Variants in NMT2 observed in about 807,000 individuals in gnomAD.
The protein encoded by NMT2 is glycylpeptide N-tetradecanoyltransferase 2.
In NMT2, 35 loss-of-function variants were observed where a neutral mutation model predicts 65.4. The ratio of observed to expected loss-of-function variants is 0.54; its 90% CI spans 0.41 to 0.71. The LOEUF (loss-of-function observed/expected upper bound fraction) is 0.71, where lower values mean the gene tolerates loss of function less well. NMT2 is among the 30% of genes least tolerant of loss of function. The pLI is 0.00. For synonymous variants in NMT2, 226 were observed against 231.8 expected (o/e 0.98, Z 0.23); for missense variants, 489 against 611.3 (o/e 0.80, Z 2.11).
At chr10:15,134,408 C>A (rs943221530) in intron 3 of NMT2, among the ~76,000 whole-genome samples, 1 of 152,216 alleles carries the variant, frequency 6.6e-6, no homozygotes, top group African/African-American at 2.4e-5. Flanking sequence ...TTGAGGCCCT[C>A]TGGTCCTCAA....
chr10:15,159,074 A>T (rs1833100299), intron 1 of NMT2, among the ~76,000 whole-genome samples: 1 of 152,212 alleles, frequency 6.6e-6, no homozygotes, highest in Admixed American at 6.5e-5. Flanking sequence ...GTCTCACCAA[A>T]GGTGTGGCCC....
Position 15,156,061 on chromosome 10 carries a change from G to A in NMT2, c.110+12442C>T, listed in dbSNP as rs117531502. Among the ~76,000 whole-genome samples, 66 of 152,296 alleles carry A rather than the reference G, an allele frequency of 4.3e-4. No homozygotes were observed. The East Asian group carries it at 0.012, about 27-fold the overall frequency. Reference sequence around the variant, plus strand: ...TTCCATTGAATATTTTTGAACCAACGTTGACCAAGGGTAACTGAAACTGCA... The same window carrying A: ...TTCCATTGAATATTTTTGAACCAACATTGACCAAGGGTAACTGAAACTGCA... On this transcript the variant is annotated intron_variant, in intron 1 of 11. Coordinates refer to ENST00000378165, the MANE Select transcript of NMT2 (RefSeq NM_004808.3).
chr10:15,112,819 C>T lies in NMT2; in HGVS notation c.1315G>A (p.Asp439Asn). The T allele has an allele frequency of 3.1e-6, 5 of 1,613,174 alleles. No homozygotes were observed. The highest frequency in any genetic ancestry group is 1.1e-5 in the South Asian group (1 of 90,978). Residue 439 changes from aspartate (D) to asparagine (N), a missense_variant, in exon 10 of 12, where the codon GAC becomes AAC. Transcript: ENST00000378165. ...ACCGATTTAGCCAGGATGAGCGCGT[C>T]GCTCATGAGGTCCAGCAGGGGCGTC... is the stretch of plus-strand genomic sequence containing the variant. ...TETPLLDLMSDALILAKSKGF... is the reference protein window; with the variant it reads ...TETPLLDLMSNALILAKSKGF...
intron 1 of NMT2, among the ~76,000 whole-genome samples, chr10:15,156,812 C>T (rs1039626888): frequency 4.0e-5 from 6 of 151,850 alleles, no homozygotes; most frequent in Non-Finnish European, 7.4e-5. Flanking sequence ...AGGAGAATTG[C>T]GTGAACCCGG....
chr10:15,119,221 A>G, intron 9 of NMT2, 122 bp downstream of exon 9: 1 of 845,564 alleles, frequency 1.2e-6, no homozygotes, highest in Non-Finnish European at 1.9e-6. Flanking sequence ...TCTACCCTTT[A>G]GTACACATCT....
At chr10:15,159,237 G>A (rs1046752541) in intron 1 of NMT2, among the ~76,000 whole-genome samples, 63 of 152,126 alleles carry the variant, frequency 4.1e-4, no homozygotes, top group Non-Finnish European at 7.6e-4. Context: ...AGATGCTTGG[G>A]GCAGTCTAGT....
At chr10:15,143,833 C>T (rs922495780) in intron 1 of NMT2, among the ~76,000 whole-genome samples, 1 of 152,160 alleles carries the variant, frequency 6.6e-6, no homozygotes, top group Non-Finnish European at 1.5e-5. Context: ...CCAGCCTGGG[C>T]AACAGAGTGA....
Position 15,108,201 on chromosome 10 carries a change from T to G in NMT2, c.*994A>C. The G allele has an allele frequency of 1.0e-6, 1 of 984,132 alleles. No individual in the cohort carries two copies. Among genetic ancestry groups the G allele is most frequent in the African/African-American group, 1.7e-5 (1 of 57,178 alleles). The allele number at this position is 984,132 out of a possible 1,614,324, so 61.0% of individuals were successfully genotyped here. On this transcript the variant is annotated 3_prime_UTR_variant, in exon 12 of 12. Coordinates refer to ENST00000378165, the MANE Select transcript of NMT2 (RefSeq NM_004808.3). ...TACAGGCTCTTTCTTTTTTTTTTTT[T>G]TTGAGACGGAGTCTCACGCTCTGTC...
chr10:15,160,990 GGAACC>G (rs1318357389), intron 1 of NMT2, among the ~76,000 whole-genome samples: 1 of 148,848 alleles, frequency 6.7e-6, no homozygotes, highest in Non-Finnish European at 1.5e-5. Flanking sequence ...AGCACTTTGG[GGAACC>G]GAGTCAGGTG....
intron 1 of NMT2, among the ~76,000 whole-genome samples, chr10:15,143,822 T>C (rs1846862001): frequency 6.6e-6 from 1 of 152,106 alleles, no homozygotes; most frequent in African/African-American, 2.4e-5. Context: ...GCCACTGCAC[T>C]CCAGCCTGGG....
At chr10:15,165,875 C>CAA (rs34031754) in intron 1 of NMT2, among the ~76,000 whole-genome samples, 27,209 of 94,472 alleles carry the variant, frequency 0.29, 3,971 homozygotes, top group African/African-American at 0.47. Flanking sequence ...AAGACTGTCT[C>CAA]AAAAAAAAAA....
chr10:15,150,135 A>T (rs1309099688), intron 1 of NMT2, among the ~76,000 whole-genome samples: 3 of 152,214 alleles, frequency 2.0e-5, no homozygotes, highest in Non-Finnish European at 4.4e-5. Context: ...AACAAAGGTA[A>T]CCCAGAGGTT....
chr10:15,134,978 C>G (rs1472883842), intron 3 of NMT2, among the ~76,000 whole-genome samples: 1 of 151,072 alleles, frequency 6.6e-6, no homozygotes, highest in Non-Finnish European at 1.5e-5. Flanking sequence ...AGAGTGAGAC[C>G]CTATCTCAAA....
At chr10:15,133,513 T>C in intron 3 of NMT2, 150 bp from the exon 4 acceptor site, 2 of 637,492 alleles carry the variant, frequency 3.1e-6, no homozygotes, top group Non-Finnish European at 5.6e-6. Flanking sequence ...GATGCTGTTA[T>C]ATCAAGCGCC....
intron 8 of NMT2, among the ~76,000 whole-genome samples, chr10:15,125,001 TG>T (rs144996846): frequency 0.011 from 1,652 of 152,256 alleles, 28 homozygotes; most frequent in African/African-American, 0.035. Context: ...GTCCCCATAG[TG>T]GGTAATGTTA....
chr10:15,113,018 C>T, intron 9 of NMT2, 55 bp from the exon 10 acceptor site: 1 of 1,509,046 alleles, frequency 6.6e-7, no homozygotes, highest in Admixed American at 1.7e-5. Flanking sequence ...TGCATACGTG[C>T]ATTTCCACTA....
In NMT2 at chr10:15,106,790, A is replaced by G. The variant is rs1845317937; in HGVS notation, c.*2405T>C. The stretch of plus-strand genomic sequence containing the variant: ...CTCAGCTTTGTAGTGTGAAGCAGCC[A>G]TAGGCAATATGTAAATGAAAGTGGC... On this transcript the variant is annotated 3_prime_UTR_variant, in exon 12 of 12. Coordinates refer to ENST00000378165, the MANE Select transcript of NMT2 (RefSeq NM_004808.3). The G allele has an allele frequency of 3.3e-6, 1 of 304,730 alleles. No homozygotes were observed. The highest frequency in any genetic ancestry group is 4.8e-6 in the Non-Finnish European group (1 of 207,922). The allele number at this position is 304,730 out of a possible 1,614,324, so 18.9% of individuals were successfully genotyped here. A position where few individuals can be genotyped will look rare whatever the true frequency, so the allele number is the denominator to read the frequency against.
At chr10:15,120,756 G>A (rs1845901794) in intron 8 of NMT2, among the ~76,000 whole-genome samples, 1 of 152,330 alleles carries the variant, frequency 6.6e-6, no homozygotes, top group East Asian at 1.9e-4. Flanking sequence ...GGGAAGGCAA[G>A]CATTGTTCAT....
intron 2 of NMT2, among the ~76,000 whole-genome samples, chr10:15,135,625 T>C (rs910007111): frequency 1.3e-5 from 2 of 152,178 alleles, no homozygotes; most frequent in African/African-American, 4.8e-5. Context: ...TCTAGTTTTA[T>C]TGGGGCTCTG....
Sources: allele counts gnomAD v4.1 joint callset (sites outside exome capture counted in the v4.1 genomes callset), GRCh38; gene constraint gnomAD v4.1.1; transcripts MANE v1.5; gene names NCBI Gene and HGNC (gene_info 2026-07-23, HGNC 2026-07-21).